COL27A1: variants seen among roughly 807,000 people sequenced by gnomAD.
COL27A1 encodes collagen alpha-1(XXVII) chain.
In COL27A1, 106 loss-of-function variants were observed where a neutral mutation model predicts 251.3. That is an observed-to-expected ratio of 0.42 (90% CI 0.36 to 0.50). The LOEUF (loss-of-function observed/expected upper bound fraction) is 0.50, where lower values mean the gene tolerates loss of function less well. COL27A1 is among the 20% of genes least tolerant of loss of function. The pLI is 0.00. For missense variants in COL27A1, 2,325 were observed against 2,522.8 expected, an observed-to-expected ratio of 0.92 and a Z score of 1.68; for synonymous variants, 1,000 against 986.3, an observed-to-expected ratio of 1.01 and a Z score of -0.26.
At chr9:114,201,475 C>G (rs1307293271) in intron 7 of COL27A1, among the ~76,000 whole-genome samples, 2 of 152,186 alleles carry the variant, frequency 1.3e-5, no homozygotes, top group African/African-American at 2.4e-5. Flanking sequence ...TGGCTATGCT[C>G]GCTCTTCTGC....
At chr9:114,226,771 C>A (rs1371513908) in intron 14 of COL27A1, among the ~76,000 whole-genome samples, 1 of 152,256 alleles carries the variant, frequency 6.6e-6, no homozygotes, top group Non-Finnish European at 1.5e-5. Flanking sequence ...TTACCAAGCA[C>A]CTCCTCAGAG....
intron 21 of COL27A1, among the ~76,000 whole-genome samples, 154 bp from the exon 22 acceptor site, chr9:114,242,033 G>T (rs1832794416): frequency 1.3e-5 from 2 of 152,264 alleles, no homozygotes; most frequent in African/African-American, 4.8e-5. Context: ...TCTGCCCTGG[G>T]TGGGGCCAGG....
At chr9:114,207,465 C>G (rs1045000089) in intron 10 of COL27A1, among the ~76,000 whole-genome samples, 11 of 152,206 alleles carry the variant, frequency 7.2e-5, no homozygotes, top group Non-Finnish European at 1.5e-5. Flanking sequence ...TCTTCTCAGT[C>G]CAGCCCCAGT....
In COL27A1 at chr9:114,199,305, A is replaced by T. The variant is rs146457024; in HGVS notation, c.2124+3293A>T. Among the ~76,000 whole-genome samples the T allele has an allele frequency of 4.6e-4, 70 of 152,260 alleles. 1 individual carries two copies. Among genetic ancestry groups the T allele is most frequent in the African/African-American group, 1.4e-3 (60 of 41,546 alleles). ...GAGTAGAAGCCAGAAATACTGCTAAACATTCTGCAGTGCACGAGATAGCCC... is the reference window on the plus strand; with the variant it reads ...GAGTAGAAGCCAGAAATACTGCTAATCATTCTGCAGTGCACGAGATAGCCC... On this transcript the variant is annotated intron_variant, in intron 7 of 60. Transcript: ENST00000356083.
chr9:114,201,782 G>A (rs1829597727), intron 7 of COL27A1, among the ~76,000 whole-genome samples: 1 of 152,154 alleles, frequency 6.6e-6, no homozygotes, highest in Admixed American at 6.5e-5. Context: ...ATGCTGCAAT[G>A]ATGTGAAGCT....
chr9:114,215,409 T>G (rs1000358508), intron 12 of COL27A1, among the ~76,000 whole-genome samples: 3 of 152,194 alleles, frequency 2.0e-5, no homozygotes, highest in Non-Finnish European at 4.4e-5. Flanking sequence ...GACCCAGATG[T>G]GAACCAGAGC....
At chr9:114,291,061 T>C in intron 48 of COL27A1, 144 bp downstream of exon 48, 1 of 584,044 alleles carries the variant, frequency 1.7e-6, no homozygotes, top group African/African-American at 1.9e-5. Flanking sequence ...CCGTCAGCAG[T>C]GCTTGGGGGT....
chr9:114,275,697 G>C lies in COL27A1; in HGVS notation c.3646G>C (p.Gly1216Arg). 1 of 1,550,374 alleles carries C rather than the reference G, an allele frequency of 6.5e-7. No individual in the cohort carries two copies. Among genetic ancestry groups the C allele is most frequent in the Non-Finnish European group, 8.7e-7 (1 of 1,146,864 alleles). The change falls in exon 37 of 61, where the codon GGC becomes CGC. Residue 1216 changes from glycine to arginine, a missense_variant. Physicochemically the swap from Gly to Arg is moderately radical, Grantham distance 125. Around this residue, in one of 4 missense-constraint regions of COL27A1, gnomAD observed 662 missense variants for 795.3 expected, o/e 0.83. Transcript: ENST00000356083. ...AGACCCAGGGCCTGATGGAGAACAT[G>C]GCGAGAAAGGCCAGGAAGGGCTGAT... ...RGDPGPDGEH[G>R]EKGQEGLMGE...
intron 50 of COL27A1, 165 bp from the exon 51 acceptor site, chr9:114,300,460 C>A (rs990811518): frequency 7.8e-5 from 45 of 579,468 alleles, no homozygotes; most frequent in Middle Eastern, 9.0e-4. Flanking sequence ...CTGCTGGTAC[C>A]TGCTGAATAA....
chr9:114,164,077 A>G (rs964786645), intron 2 of COL27A1, among the ~76,000 whole-genome samples: 14 of 152,152 alleles, frequency 9.2e-5, no homozygotes, highest in Non-Finnish European at 1.8e-4. Flanking sequence ...GGCTAAGCAC[A>G]AAGACCCCAG....
intron 41 of COL27A1, among the ~76,000 whole-genome samples, chr9:114,287,600 C>A (rs1388452608): frequency 2.0e-5 from 3 of 152,166 alleles, no homozygotes; most frequent in African/African-American, 7.2e-5. Flanking sequence ...CTGCTGAGCC[C>A]CTGCCACGTG....
At position 114,275,103 on chromosome 9, in the gene COL27A1, A is replaced by T. The variant is rs185734535; in HGVS notation, c.3610-558A>T. Among the ~76,000 whole-genome samples, 18 of 148,466 alleles carry T rather than the reference A, an allele frequency of 1.2e-4. No homozygotes were observed. The East Asian group carries it at 3.1e-3, about 25-fold the overall frequency. The stretch of plus-strand genomic sequence containing the variant: ...AGACCCCATTTCTACAAAAAAAGAA[A>T]TTTTTTTTCAATTAGCTGGGCATGG... On this transcript the variant is annotated intron_variant, in intron 36 of 60. Transcript: ENST00000356083.
At chr9:114,268,793 G>C (rs374293649) in intron 34 of COL27A1, 2 of 155,704 alleles carry the variant, frequency 1.3e-5, no homozygotes, top group Non-Finnish European at 2.8e-5. Flanking sequence ...AAAATCTGCC[G>C]GGCATGGTGG....
chr9:114,253,830 T>C (rs1833743825), intron 27 of COL27A1, among the ~76,000 whole-genome samples: 1 of 152,202 alleles, frequency 6.6e-6, no homozygotes, highest in Admixed American at 6.5e-5. Context: ...TTATTGCTTT[T>C]GTCCATTCAC....
chr9:114,156,155 A>G (rs1221392265), intron 1 of COL27A1, 143 bp downstream of exon 1: 1 of 1,218,232 alleles, frequency 8.2e-7, no homozygotes, highest in Non-Finnish European at 1.0e-6. Flanking sequence ...GCGGGACGCC[A>G]AGGGTTAATA....
At chr9:114,237,777 A>C in intron 19 of COL27A1, 62 bp downstream of exon 19, 1 of 1,397,858 alleles carries the variant, frequency 7.2e-7, no homozygotes, top group Non-Finnish European at 1.0e-6. Context: ...GTCCTTGGGA[A>C]ACTGAGGCCC....
intron 10 of COL27A1, among the ~76,000 whole-genome samples, chr9:114,207,166 G>A (rs1362466280): frequency 6.6e-6 from 1 of 152,218 alleles, no homozygotes; most frequent in Non-Finnish European, 1.5e-5. Context: ...TCCTCGGTCA[G>A]GACAGATCAC....
intron 57 of COL27A1, chr9:114,306,129 C>A (rs1050400962): frequency 1.5e-4 from 26 of 174,956 alleles, no homozygotes; most frequent in Non-Finnish European, 2.7e-4. Flanking sequence ...TAGGGGAGCC[C>A]AGTGGGGGCT....
At chr9:114,301,752 C>A in intron 55 of COL27A1, 35 bp downstream of exon 55, 1 of 1,600,560 alleles carries the variant, frequency 6.2e-7, no homozygotes, top group Non-Finnish European at 8.5e-7. Flanking sequence ...TCTTGGACTC[C>A]TGGGGGGTTC....
Sources: gnomAD v4.1 joint callset for allele counts (sites outside exome capture counted in the v4.1 genomes callset) on GRCh38, gnomAD v4.1.1 for gene constraint, gnomAD v4.1.1 regional missense constraint, MANE v1.5 for transcripts, NCBI Gene and HGNC (gene_info 2026-07-23, HGNC 2026-07-21) for gene names.